The following GRM8 variants were observed in gnomAD, a reference collection of about 807,000 sequenced individuals.
GRM8 encodes metabotropic glutamate receptor 8.
GRM8 carries 47 observed loss-of-function variants against 87.2 expected under a neutral mutation model. The observed-to-expected ratio is 0.54, with a 90% CI of 0.43 to 0.69. The LOEUF (loss-of-function observed/expected upper bound fraction) is 0.69. Among genes scored for constraint, GRM8 ranks in the 30% least tolerant of loss-of-function variants. The pLI, the probability that GRM8 is intolerant of heterozygous loss-of-function variation, is 0.00. For missense variants in GRM8, 1,019 were observed against 1,139.2 expected (o/e 0.89, Z 1.52); for synonymous variants, 396 against 404.5 (o/e 0.98, Z 0.25).
At chr7:126,746,462 C>G (rs1357987727) in intron 7 of GRM8, among the ~76,000 whole-genome samples, 1 of 151,296 alleles carries the variant, frequency 6.6e-6, no homozygotes. Context: ...CATAACAGTA[C>G]CCTAAAAGTT....
At chr7:126,962,515 A>C (rs1387169177) in intron 3 of GRM8, among the ~76,000 whole-genome samples, 2 of 152,250 alleles carry the variant, frequency 1.3e-5, no homozygotes, top group Non-Finnish European at 2.9e-5. Context: ...AGTAGCTTAA[A>C]CATTTGATTT....
intron 2 of GRM8, among the ~76,000 whole-genome samples, chr7:127,148,896 T>C (rs143309971): frequency 1.6e-3 from 244 of 152,140 alleles, no homozygotes; most frequent in African/African-American, 5.4e-3. Context: ...TGGAAAAGAA[T>C]GAAATCAGAC....
intron 2 of GRM8, among the ~76,000 whole-genome samples, chr7:127,110,786 C>T (rs1387498794): frequency 6.6e-6 from 1 of 152,174 alleles, no homozygotes; most frequent in Non-Finnish European, 1.5e-5. Flanking sequence ...TCTCACTCTC[C>T]GTTCCTTTAC....
chr7:126,539,722 AT>A, intron 8 of GRM8, among the ~76,000 whole-genome samples: 1 of 152,120 alleles, frequency 6.6e-6, no homozygotes, highest in East Asian at 1.9e-4. Flanking sequence ...TTTTCAAAAA[AT>A]GATGCCAAAA....
intron 2 of GRM8, among the ~76,000 whole-genome samples, chr7:127,240,949 T>C (rs1798258058): frequency 6.6e-6 from 1 of 152,136 alleles, no homozygotes; most frequent in African/African-American, 2.4e-5. Flanking sequence ...TTTCCAGAAA[T>C]GGAGAACTAG....
intron 7 of GRM8, among the ~76,000 whole-genome samples, chr7:126,738,516 G>C (rs1814505020): frequency 6.6e-6 from 1 of 151,110 alleles, no homozygotes; most frequent in Non-Finnish European, 1.5e-5. Flanking sequence ...AGAAACTCAA[G>C]AGAAGAAATA....
At chr7:126,560,440 T>C (rs1157280524) in intron 8 of GRM8, among the ~76,000 whole-genome samples, 1 of 152,156 alleles carries the variant, frequency 6.6e-6, no homozygotes, top group Non-Finnish European at 1.5e-5. Flanking sequence ...CAGGGGGGAA[T>C]GCTTTTAGTC....
chr7:126,612,552 C>T (rs1449476037), intron 7 of GRM8, among the ~76,000 whole-genome samples: 4 of 152,286 alleles, frequency 2.6e-5, no homozygotes, highest in East Asian at 1.9e-4. Flanking sequence ...TCGAAGCACT[C>T]GCAACATTCC....
At chr7:126,529,552 T>TTTTCC (rs562500824) in intron 9 of GRM8, among the ~76,000 whole-genome samples, 140 of 152,260 alleles carry the variant, frequency 9.2e-4, no homozygotes, top group Non-Finnish European at 1.7e-3. Flanking sequence ...TATTGGAGGT[T>TTTTCC]TTTTCTTTTC....
intron 2 of GRM8, among the ~76,000 whole-genome samples, chr7:127,154,423 C>G (rs1458088078): frequency 6.6e-6 from 1 of 152,068 alleles, no homozygotes; most frequent in East Asian, 1.9e-4. Flanking sequence ...GGAGTCCTTT[C>G]TCTCCCCAGC....
chr7:126,479,210 G>C (rs1029383902), intron 9 of GRM8, among the ~76,000 whole-genome samples: 1 of 152,078 alleles, frequency 6.6e-6, no homozygotes, highest in African/African-American at 2.4e-5. Flanking sequence ...TAATGGAAGA[G>C]AGTTGTGCAT....
chr7:126,655,954 G>A (rs1352987858), intron 7 of GRM8, among the ~76,000 whole-genome samples: 1 of 152,158 alleles, frequency 6.6e-6, no homozygotes, highest in Non-Finnish European at 1.5e-5. Context: ...CCTATTGAGA[G>A]AAATAGATAT....
chr7:127,051,107 G>A (rs941951651), intron 3 of GRM8, among the ~76,000 whole-genome samples: 22 of 152,050 alleles, frequency 1.4e-4, no homozygotes, highest in African/African-American at 5.1e-4. Context: ...TATTTGAATA[G>A]TCAATTGGAA....
chr7:127,111,068 A>G (rs1169473048), intron 2 of GRM8: 2 of 152,238 alleles, frequency 1.3e-5, no homozygotes, highest in East Asian at 3.8e-4. Context: ...TCTTCCGTGC[A>G]GGCAGAAGTG....
intron 7 of GRM8, among the ~76,000 whole-genome samples, chr7:126,646,792 A>G (rs1474632257): frequency 3.3e-5 from 5 of 152,216 alleles, no homozygotes; most frequent in Admixed American, 1.3e-4. Context: ...TGTACTTGGC[A>G]CATAGCAAAG....
intron 7 of GRM8, among the ~76,000 whole-genome samples, chr7:126,619,538 G>T (rs1048231988): frequency 1.4e-5 from 2 of 140,978 alleles, no homozygotes; most frequent in Non-Finnish European, 3.2e-5. Flanking sequence ...AAAAAGAAAT[G>T]CTATTTACAT....
intron 8 of GRM8, among the ~76,000 whole-genome samples, chr7:126,558,778 A>G (rs1313622158): frequency 6.6e-6 from 1 of 152,210 alleles, no homozygotes; most frequent in African/African-American, 2.4e-5. Context: ...ACCTGCAGAT[A>G]CCAAGGGCTG....
chr7:127,240,597 G>A (rs1321882988), intron 2 of GRM8, among the ~76,000 whole-genome samples: 1 of 152,138 alleles, frequency 6.6e-6, no homozygotes, highest in Non-Finnish European at 1.5e-5. Context: ...TGGTTTATAA[G>A]GAGAGGGAAA....
intron 2 of GRM8, among the ~76,000 whole-genome samples, chr7:127,186,149 T>C (rs1358011352): frequency 6.6e-6 from 1 of 152,008 alleles, no homozygotes; most frequent in Non-Finnish European, 1.5e-5. Flanking sequence ...AAGAGATAAC[T>C]AGGGCAGATA....
Sources: gnomAD v4.1 joint callset for allele counts (sites outside exome capture counted in the v4.1 genomes callset) on GRCh38, gnomAD v4.1.1 for gene constraint, MANE v1.5 for transcripts, NCBI Gene and HGNC (gene_info 2026-07-23, HGNC 2026-07-21) for gene names.